MBNL1: variants seen among roughly 807,000 people sequenced by gnomAD.
MBNL1 encodes the protein muscleblind-like protein 1.
MBNL1 carries 8 observed loss-of-function variants against 42.2 expected under a neutral mutation model. That is an observed-to-expected ratio of 0.19 (90% CI 0.11 to 0.34). MBNL1 has a LOEUF of 0.34. Ranked by LOEUF, MBNL1 falls within the 10% of genes least tolerant of loss-of-function variation. The pLI is 1.00. For synonymous variants in MBNL1, 169 were observed against 173.9 expected, an observed-to-expected ratio of 0.97 and a Z score of 0.22; for missense variants, 309 against 495.3, an observed-to-expected ratio of 0.62 and a Z score of 3.57.
chr3:152,379,288 A>G (rs1221813335), intron 2 of MBNL1, among the ~76,000 whole-genome samples: 2 of 152,178 alleles, frequency 1.3e-5, no homozygotes, highest in African/African-American at 4.8e-5. Context: ...TTTCTGAAAA[A>G]TATTATCAGA....
In MBNL1 at chr3:152,414,577, A is replaced by C. The variant is rs58312188; in HGVS notation, c.175-364A>C. On this transcript the variant is annotated intron_variant, in intron 2 of 9. Coordinates refer to ENST00000324210, the MANE Select transcript of MBNL1 (RefSeq NM_021038.5). The stretch of plus-strand genomic sequence containing the variant: ...ATAAAACTTGGATTCTTAAATCATT[A>C]AATTTAACCAGGAAGATATTATGAC... Among the ~76,000 whole-genome samples the C allele has an allele frequency of 2.0e-5, 3 of 152,214 alleles. No homozygotes were observed. The South Asian group carries it at 6.2e-4, about 31-fold the overall frequency.
rs1215767884 is a variant in MBNL1 at position 152,397,276 on chromosome 3, T to G, written c.175-17665T>G. On this transcript the variant is annotated intron_variant, in intron 2 of 9. Transcript: ENST00000324210. ...AGAATGTGCAGGTTTGTTACATAGA[T>G]GTACACATGCCATGGTGGTTTGCTG... is the stretch of plus-strand genomic sequence containing the variant. 2.0e-5 allele frequency among the ~76,000 whole-genome samples: 3 copies of G among 152,180 alleles called. No individual in the cohort carries two copies. The East Asian group carries it at 5.8e-4, about 29-fold the overall frequency.
At chr3:152,306,449 C>G (rs891730953) in intron 2 of MBNL1, among the ~76,000 whole-genome samples, 2 of 152,138 alleles carry the variant, frequency 1.3e-5, no homozygotes, top group African/African-American at 4.8e-5. Flanking sequence ...GCCATCATAT[C>G]CTTAGTCTAG....
intron 2 of MBNL1, among the ~76,000 whole-genome samples, chr3:152,313,065 C>T (rs956548040): frequency 6.6e-6 from 1 of 152,074 alleles, no homozygotes; most frequent in South Asian, 2.1e-4. Context: ...CCCTTTCACC[C>T]AGGCTGGAGT....
intron 2 of MBNL1, among the ~76,000 whole-genome samples, chr3:152,412,775 CAGTT>C (rs576833817): frequency 9.1e-4 from 138 of 152,208 alleles, no homozygotes; most frequent in African/African-American, 3.2e-3. Flanking sequence ...AGGAAGACCA[CAGTT>C]AGTGTTGGAA....
intron 2 of MBNL1, among the ~76,000 whole-genome samples, chr3:152,400,072 G>C (rs2098145820): frequency 6.6e-6 from 1 of 152,160 alleles, no homozygotes; most frequent in Non-Finnish European, 1.5e-5. Context: ...GGGAACTGCA[G>C]TTTCCTGATT....
intron 6 of MBNL1, among the ~76,000 whole-genome samples, chr3:152,449,763 T>C (rs1013573272): frequency 1.3e-5 from 2 of 152,188 alleles, no homozygotes; most frequent in Non-Finnish European, 2.9e-5. Context: ...ATATTTGCAT[T>C]TATTATGATG....
chr3:152,442,955 G>A (rs990791840), intron 4 of MBNL1, among the ~76,000 whole-genome samples: 1 of 149,398 alleles, frequency 6.7e-6, no homozygotes, highest in Non-Finnish European at 1.5e-5. Context: ...AGGAGAAACC[G>A]TAAGCTGTAA....
chr3:152,315,884 TCTCA>T (rs1475505267), intron 2 of MBNL1, among the ~76,000 whole-genome samples: 1 of 145,316 alleles, frequency 6.9e-6, no homozygotes, highest in Non-Finnish European at 1.5e-5. Context: ...TCTCTCTCTC[TCTCA>T]CTCCTCTCTC....
chr3:152,340,465 C>CT (rs2092858999), intron 2 of MBNL1: 1 of 1,503,724 alleles, frequency 6.7e-7, no homozygotes, highest in South Asian at 1.4e-5. Flanking sequence ...AAATATCAGA[C>CT]TATGTGAATT....
intron 2 of MBNL1, among the ~76,000 whole-genome samples, chr3:152,258,652 T>C (rs577351911): frequency 6.6e-6 from 1 of 152,362 alleles, no homozygotes; most frequent in African/African-American, 2.4e-5. Flanking sequence ...ACTTGGTATG[T>C]ATATATCTGT....
intron 2 of MBNL1, among the ~76,000 whole-genome samples, chr3:152,366,742 T>C (rs2096395371): frequency 6.6e-6 from 1 of 152,200 alleles, no homozygotes; most frequent in African/African-American, 2.4e-5. Context: ...AGCTTTTGAA[T>C]GTCATTATGC....
intron 1 of MBNL1, among the ~76,000 whole-genome samples, chr3:152,298,347 T>G (rs2059485215): frequency 6.7e-6 from 1 of 148,898 alleles, no homozygotes; most frequent in Non-Finnish European, 1.5e-5. Context: ...AAAAATGCCC[T>G]GCTCTAAGAA....
At chr3:152,392,858 G>C (rs1293487618) in intron 2 of MBNL1, among the ~76,000 whole-genome samples, 1 of 152,192 alleles carries the variant, frequency 6.6e-6, no homozygotes, top group Non-Finnish European at 1.5e-5. Flanking sequence ...ATATTCCTGA[G>C]AAGTATTCTG....
intron 2 of MBNL1, among the ~76,000 whole-genome samples, chr3:152,343,313 A>T (rs1560221393): frequency 6.6e-6 from 1 of 152,062 alleles, no homozygotes; most frequent in African/African-American, 2.4e-5. Flanking sequence ...TCCAGTCCTG[A>T]AGAGAGAGAG....
At chr3:152,308,156 G>C (rs1047508455) in intron 2 of MBNL1, among the ~76,000 whole-genome samples, 1 of 152,200 alleles carries the variant, frequency 6.6e-6, no homozygotes, top group Non-Finnish European at 1.5e-5. Context: ...AAGTAGCCCA[G>C]AGGATGCTTG....
intron 2 of MBNL1, among the ~76,000 whole-genome samples, chr3:152,353,566 C>T (rs984454947): frequency 4.0e-5 from 6 of 151,484 alleles, no homozygotes; most frequent in Non-Finnish European, 7.4e-5. Context: ...AGGTAGATAC[C>T]ACTGGGTAAA....
chr3:152,438,471 G>A (rs115774684), intron 4 of MBNL1, among the ~76,000 whole-genome samples: 510 of 152,312 alleles, frequency 3.3e-3, no homozygotes, highest in African/African-American at 4.8e-3. Context: ...TGTTTATCAT[G>A]TGTTAACATT....
At chr3:152,258,933 T>C (rs2035840552) in intron 2 of MBNL1, among the ~76,000 whole-genome samples, 1 of 152,238 alleles carries the variant, frequency 6.6e-6, no homozygotes, top group African/African-American at 2.4e-5. Flanking sequence ...CGTGGGCTTC[T>C]TGGTATTTAG....
Sources: allele counts gnomAD v4.1 joint callset (sites outside exome capture counted in the v4.1 genomes callset), GRCh38; gene constraint gnomAD v4.1.1; transcripts MANE v1.5; gene names NCBI Gene and HGNC (gene_info 2026-07-23, HGNC 2026-07-21).